OR51B5: variants seen among roughly 807,000 people sequenced by gnomAD.
OR51B5 encodes the protein olfactory receptor 51B5.
For missense variants in OR51B5, 456 were observed against 374.6 expected, an observed-to-expected ratio of 1.22 and a Z score of -1.79; for synonymous variants, 186 against 144.8, an observed-to-expected ratio of 1.28 and a Z score of -2.04.
At chr11:5,498,010 A>G (rs1458461859) in intron 1 of OR51B5, among the ~76,000 whole-genome samples, 3 of 152,168 alleles carry the variant, frequency 2.0e-5, no homozygotes, top group Non-Finnish European at 4.4e-5. Context: ...ACAAACTCTT[A>G]GCATGTGGTC....
rs891600048 is a variant in OR51B5, at chr11:5,478,493, G to A, written n.84+27076C>T. 3.0e-4 allele frequency among the ~76,000 whole-genome samples: 45 copies of A among 151,862 alleles called. 1 individual carries two copies. Among genetic ancestry groups the A allele is most frequent in the South Asian group, 6.3e-4 (3 of 4,778 alleles). On this transcript the variant is annotated intron_variant and non_coding_transcript_variant, in intron 1 of 4. Transcript: ENST00000415970. Reference sequence around the variant, plus strand: ...AGGAATGCAGTTCCTCACCAGCAACGGAACAAAGCTGGATGGAGAATGACT... The same window carrying A: ...AGGAATGCAGTTCCTCACCAGCAACAGAACAAAGCTGGATGGAGAATGACT...
chr11:5,483,682 AT>A (rs143126081), intron 1 of OR51B5, among the ~76,000 whole-genome samples: 1 of 151,826 alleles, frequency 6.6e-6, no homozygotes, highest in Non-Finnish European at 1.5e-5. Flanking sequence ...TCCCTTGCTC[AT>A]TTTTTTCTCA....
intron 1 of OR51B5, among the ~76,000 whole-genome samples, chr11:5,416,837 C>A (rs1418526453): frequency 6.6e-6 from 1 of 151,868 alleles, no homozygotes; most frequent in African/African-American, 2.4e-5. Flanking sequence ...AATATTGTGA[C>A]AATGGCCATA....
intron 1 of OR51B5, among the ~76,000 whole-genome samples, chr11:5,501,934 C>T (rs1054518899): frequency 1.7e-5 from 2 of 121,142 alleles, no homozygotes; most frequent in Non-Finnish European, 4.0e-5. Flanking sequence ...CAACCCCCGA[C>T]AGGCCCGGTG....
At chr11:5,349,544 T>C (rs772999770) in intron 1 of OR51B5, among the ~76,000 whole-genome samples, 1 of 152,142 alleles carries the variant, frequency 6.6e-6, no homozygotes, top group Non-Finnish European at 1.5e-5. Context: ...ACCTCACATA[T>C]TTTTACTACC....
At chr11:5,432,736 A>G (rs1345102070) in intron 1 of OR51B5, among the ~76,000 whole-genome samples, 1 of 152,206 alleles carries the variant, frequency 6.6e-6, no homozygotes, top group East Asian at 1.9e-4. Context: ...GGACCCAGAG[A>G]GAAAAATTGA....
chr11:5,351,736 C>A (rs1849091412), intron 1 of OR51B5: 1 of 1,613,532 alleles, frequency 6.2e-7, no homozygotes, highest in Non-Finnish European at 8.5e-7. Flanking sequence ...GACCACAATG[C>A]CCACAGTGCT....
At chr11:5,425,963 G>T (rs961590675) in intron 1 of OR51B5, among the ~76,000 whole-genome samples, 2 of 152,156 alleles carry the variant, frequency 1.3e-5, no homozygotes, top group South Asian at 4.1e-4. Context: ...AGTTGCCAAG[G>T]TGTCCTTCAG....
intron 1 of OR51B5, among the ~76,000 whole-genome samples, chr11:5,448,832 TG>T (rs1850806022): frequency 6.6e-6 from 1 of 152,226 alleles, no homozygotes. Context: ...CTGGAAAGTT[TG>T]ACTATTATTC....
At chr11:5,485,262 C>T (rs1430229384) in intron 1 of OR51B5, among the ~76,000 whole-genome samples, 1 of 152,164 alleles carries the variant, frequency 6.6e-6, no homozygotes, top group East Asian at 1.9e-4. Context: ...AATAACCTTC[C>T]TCTCACGTTT....
At chr11:5,421,639 A>T (rs1464639548) in intron 1 of OR51B5, among the ~76,000 whole-genome samples, 4 of 152,264 alleles carry the variant, frequency 2.6e-5, no homozygotes, top group Admixed American at 2.6e-4. Flanking sequence ...GACAGAGTAG[A>T]AATAGACTGC....
intron 1 of OR51B5, among the ~76,000 whole-genome samples, chr11:5,398,400 C>G (rs1849914624): frequency 6.6e-6 from 1 of 152,110 alleles, no homozygotes. Flanking sequence ...CCCCATTACT[C>G]TACTCCTAGA....
chr11:5,396,017 G>A (rs1290433206), intron 1 of OR51B5, among the ~76,000 whole-genome samples: 1 of 152,152 alleles, frequency 6.6e-6, no homozygotes, highest in Non-Finnish European at 1.5e-5. Context: ...CAATTTTTCA[G>A]ATGAAGAAAC....
chr11:5,483,562 AAAAG>A (rs915635405), intron 1 of OR51B5, among the ~76,000 whole-genome samples: 1 of 151,966 alleles, frequency 6.6e-6, no homozygotes, highest in Admixed American at 6.6e-5. Flanking sequence ...GCTAAAAAAA[AAAAG>A]AAGAGAAAAG....
intron 1 of OR51B5, among the ~76,000 whole-genome samples, chr11:5,364,394 A>T (rs1849334999): frequency 2.0e-5 from 3 of 152,060 alleles, no homozygotes; most frequent in Non-Finnish European, 4.4e-5. Context: ...GCAGTTTAGG[A>T]GCTATGTGAT....
At chr11:5,340,494 C>G (rs1162529385), downstream of OR51B5, 2 of 149,862 alleles carry the variant, frequency 1.3e-5, no homozygotes, top group African/African-American at 2.5e-5. Context: ...TTTGCAATGT[C>G]ATATTGAAAA....
intron 1 of OR51B5, chr11:5,389,776 GCTC>G (rs779995968): frequency 4.3e-6 from 7 of 1,613,992 alleles, no homozygotes; most frequent in Non-Finnish European, 5.9e-6. Context: ...AGTCCTCAGT[GCTC>G]CTCATGATGT....
intron 1 of OR51B5, among the ~76,000 whole-genome samples, chr11:5,439,795 A>T (rs1353682806): frequency 6.6e-6 from 1 of 152,196 alleles, no homozygotes; most frequent in Non-Finnish European, 1.5e-5. Flanking sequence ...GTCAGAAAAG[A>T]GAAACATTGT....
At chr11:5,440,965 G>C (rs200872309) in intron 1 of OR51B5, 634 of 1,613,960 alleles carry the variant, frequency 3.9e-4, no homozygotes, top group Non-Finnish European at 3.9e-4. Context: ...ATGAGATCTG[G>C]ATGGAGACAG....
Sources: allele counts gnomAD v4.1 joint callset (sites outside exome capture counted in the v4.1 genomes callset), GRCh38; gene constraint gnomAD v4.1.1; transcripts MANE v1.5; gene names NCBI Gene and HGNC (gene_info 2026-07-23, HGNC 2026-07-21).